Variants in TEC observed in about 807,000 individuals in gnomAD.
The protein encoded by TEC is tec protein tyrosine kinase.
TEC carries 72 observed loss-of-function variants against 93.0 expected under a neutral mutation model. The ratio of observed to expected loss-of-function variants is 0.77; its 90% confidence interval spans 0.64 to 0.94. TEC has a LOEUF of 0.94. Among genes scored for constraint, TEC ranks in the 40% least tolerant of loss-of-function variants. The pLI, the probability that TEC is intolerant of heterozygous loss-of-function variation, is 0.00. For missense variants in TEC, 630 were observed against 757.9 expected, an observed-to-expected ratio of 0.83 and a Z score of 1.98; for synonymous variants, 249 against 247.7, an observed-to-expected ratio of 1.01 and a Z score of -0.05.
At chr4:48,182,281 T>A (rs1457214623) in intron 2 of TEC, among the ~76,000 whole-genome samples, 3 of 83,894 alleles carry the variant, frequency 3.6e-5, no homozygotes, top group Non-Finnish European at 7.0e-5. Flanking sequence ...CGAGACTCCA[T>A]CTCAAAAAAA....
intron 8 of TEC, among the ~76,000 whole-genome samples, chr4:48,161,844 A>G (rs1270011695): frequency 6.6e-6 from 1 of 152,028 alleles, no homozygotes; most frequent in Non-Finnish European, 1.5e-5. Context: ...AAGAACTTGG[A>G]AAGACTAGAC....
At chr4:48,257,521 A>G (rs1724377400) in intron 1 of TEC, among the ~76,000 whole-genome samples, 1 of 152,156 alleles carries the variant, frequency 6.6e-6, no homozygotes, top group Non-Finnish European at 1.5e-5. Flanking sequence ...CAGCTCCACC[A>G]CTTACCACTT....
intron 8 of TEC, among the ~76,000 whole-genome samples, chr4:48,157,705 A>C (rs1156782218): frequency 6.6e-6 from 1 of 152,136 alleles, no homozygotes; most frequent in African/African-American, 2.4e-5. Context: ...TAGTAGAGAC[A>C]GGGTTTCACT....
At chr4:48,212,110 A>AAAATATATATAT in intron 2 of TEC, among the ~76,000 whole-genome samples, 7 of 122,252 alleles carry the variant, frequency 5.7e-5, no homozygotes, top group African/African-American at 1.5e-4. Context: ...AAAAAAAAAA[A>AAAATATATATAT]ATATATATAT....
chr4:48,199,826 C>G (rs1295548033), intron 2 of TEC, among the ~76,000 whole-genome samples: 2 of 152,088 alleles, frequency 1.3e-5, no homozygotes, highest in Non-Finnish European at 2.9e-5. Context: ...ACTAACTTTT[C>G]TTCAAGGTTT....
intron 1 of TEC, among the ~76,000 whole-genome samples, chr4:48,240,567 A>T (rs1437200858): frequency 2.0e-5 from 3 of 152,114 alleles, no homozygotes; most frequent in Non-Finnish European, 4.4e-5. Flanking sequence ...CCCAAAAATA[A>T]AACCACAGTC....
intron 9 of TEC, 116 bp downstream of exon 9, chr4:48,156,564 G>T: frequency 1.2e-6 from 1 of 832,056 alleles, no homozygotes; most frequent in Non-Finnish European, 1.8e-6. Flanking sequence ...GAATAGTTTT[G>T]CATAGACTTG....
At chr4:48,146,302 T>A in intron 12 of TEC, 23 bp downstream of exon 12, 2 of 1,610,020 alleles carry the variant, frequency 1.2e-6, no homozygotes, top group Non-Finnish European at 1.7e-6. Flanking sequence ...AATTAGCTCA[T>A]GCAACCACAA....
At chr4:48,193,538 A>G (rs2109585314) in intron 2 of TEC, among the ~76,000 whole-genome samples, 1 of 152,304 alleles carries the variant, frequency 6.6e-6, no homozygotes, top group East Asian at 1.9e-4. Context: ...AGATAAACGT[A>G]ACTACTGTCA....
At chr4:48,216,182 G>T (rs1326915963) in intron 2 of TEC, among the ~76,000 whole-genome samples, 1 of 149,758 alleles carries the variant, frequency 6.7e-6, no homozygotes, top group Non-Finnish European at 1.5e-5. Context: ...GACTCTCTCT[G>T]CCCATCATTG....
intron 8 of TEC, among the ~76,000 whole-genome samples, chr4:48,157,044 C>A (rs1720431276): frequency 6.6e-6 from 1 of 152,094 alleles, no homozygotes; most frequent in African/African-American, 2.4e-5. Context: ...TTTTGCAAAT[C>A]AATATAGGTC....
At chr4:48,264,787 C>A (rs1724588771) in intron 1 of TEC, among the ~76,000 whole-genome samples, 1 of 152,138 alleles carries the variant, frequency 6.6e-6, no homozygotes, top group Admixed American at 6.5e-5. Context: ...CAGGCACACG[C>A]CACCACGCCT....
At chr4:48,159,075 C>T (rs1720516544) in intron 8 of TEC, among the ~76,000 whole-genome samples, 1 of 147,430 alleles carries the variant, frequency 6.8e-6, no homozygotes, top group Non-Finnish European at 1.5e-5. Context: ...TTATCTATCT[C>T]CAGGCAAGAA....
chr4:48,255,018 A>G (rs1261848653), intron 1 of TEC, among the ~76,000 whole-genome samples: 1 of 152,262 alleles, frequency 6.6e-6, no homozygotes, highest in African/African-American at 2.4e-5. Flanking sequence ...AGGGAATCCA[A>G]GACAAAAATA....
chr4:48,240,902 A>G (rs1476260718), intron 1 of TEC, among the ~76,000 whole-genome samples: 3 of 151,994 alleles, frequency 2.0e-5, no homozygotes, highest in Admixed American at 1.3e-4. Context: ...AGCTCAGTTA[A>G]TGAAGAATTT....
chr4:48,261,673 G>A (rs1724499626), intron 1 of TEC, among the ~76,000 whole-genome samples: 1 of 152,144 alleles, frequency 6.6e-6, no homozygotes, highest in Admixed American at 6.5e-5. Context: ...AATAAAAGGA[G>A]TAGGATACTT....
chr4:48,168,034 A>C, intron 6 of TEC, 81 bp from the exon 7 acceptor site: 5 of 1,263,188 alleles, frequency 4.0e-6, no homozygotes, highest in Non-Finnish European at 5.6e-6. Flanking sequence ...TGAGTCATAC[A>C]TCACCACAGA....
chr4:48,146,768 T>C (rs909070071), intron 11 of TEC, among the ~76,000 whole-genome samples: 1 of 152,164 alleles, frequency 6.6e-6, no homozygotes, highest in East Asian at 1.9e-4. Context: ...AATCTTAGCA[T>C]ACAAATCGGG....
At chr4:48,227,463 T>C (rs533876855) in intron 2 of TEC, among the ~76,000 whole-genome samples, 2 of 151,806 alleles carry the variant, frequency 1.3e-5, no homozygotes, top group African/African-American at 4.8e-5. Flanking sequence ...GCCAATATGG[T>C]GAAACCCCAT....
Sources: gnomAD v4.1 joint callset for allele counts (sites outside exome capture counted in the v4.1 genomes callset) on GRCh38, gnomAD v4.1.1 for gene constraint, MANE v1.5 for transcripts, NCBI Gene and HGNC (gene_info 2026-07-23, HGNC 2026-07-21) for gene names.